Variants in WBP2NL observed in about 807,000 individuals in gnomAD.
WBP2NL encodes postacrosomal sheath WW domain-binding protein.
A neutral mutation model predicts 23.3 loss-of-function variants in WBP2NL; 27 were observed. The observed-to-expected ratio is 1.16, with a 90% CI of 0.85 to 1.60. The LOEUF is 1.60. Among genes scored for constraint, WBP2NL ranks in the 40% most tolerant of loss-of-function variants. The probability of loss-of-function intolerance (pLI) is 0.00; values close to 1 mark genes in which losing one functional copy is unlikely to be tolerated. For synonymous variants in WBP2NL, 151 were observed against 145.9 expected, an observed-to-expected ratio of 1.03 and a Z score of -0.25; for missense variants, 370 against 389.5, an observed-to-expected ratio of 0.95 and a Z score of 0.42.
rs759517840 is a variant in WBP2NL at position 42,026,990 on chromosome 22, A to ACCCCACCTCTCGGATATGGAG, written c.769_789dup (p.Leu257_Pro263dup). On this transcript the variant is annotated inframe_insertion, in exon 6 of 6. Transcript: ENST00000328823. Reference sequence around the variant, plus strand: ...TGGAGCCCCACCTCTTGGATATGGAACCCCACCTCTCGGATATGGAGCCCC... The same window carrying ACCCCACCTCTCGGATATGGAG: ...TGGAGCCCCACCTCTTGGATATGGAACCCCACCTCTCGGATATGGAGCCCCACCTCTCGGATATGGAGCCCC... 42 of 1,564,140 alleles carry ACCCCACCTCTCGGATATGGAG rather than the reference A, an allele frequency of 2.7e-5. No individual in the cohort carries two copies. Among genetic ancestry groups the ACCCCACCTCTCGGATATGGAG allele is most frequent in the Middle Eastern group, 1.7e-4 (1 of 5,892 alleles).
intron 1 of WBP2NL, among the ~76,000 whole-genome samples, chr22:42,000,619 C>T (rs570939957): frequency 2.9e-4 from 44 of 152,194 alleles, no homozygotes; most frequent in Admixed American, 9.8e-4. Context: ...AAATTGACAG[C>T]GAGGAGTCTG....
At chr22:42,047,479 A>G (rs943879412) in intron 8 of WBP2NL, among the ~76,000 whole-genome samples, 9 of 150,944 alleles carry the variant, frequency 6.0e-5, no homozygotes, top group Non-Finnish European at 1.2e-4. Context: ...AATCCCAGCT[A>G]CTCGGGAGGC....
At chr22:42,011,189 A>G (rs1569447478) in intron 1 of WBP2NL, among the ~76,000 whole-genome samples, 1 of 152,228 alleles carries the variant, frequency 6.6e-6, no homozygotes, top group African/African-American at 2.4e-5. Flanking sequence ...ATTTTGGGGA[A>G]GAGTTTCAGA....
intron 1 of WBP2NL, chr22:42,001,808 G>C: frequency 8.0e-7 from 1 of 1,245,238 alleles, no homozygotes; most frequent in East Asian, 2.3e-5. Context: ...AGTCTCTAAT[G>C]CCCTTGTATT....
chr22:42,043,065 A>G (rs1925456879), intron 8 of WBP2NL, among the ~76,000 whole-genome samples: 1 of 148,580 alleles, frequency 6.7e-6, no homozygotes, highest in Non-Finnish European at 1.5e-5. Context: ...CATCTCTTCT[A>G]GGTTTTATAG....
chr22:42,004,567 C>T (rs1718980564), intron 1 of WBP2NL, among the ~76,000 whole-genome samples: 1 of 152,094 alleles, frequency 6.6e-6, no homozygotes, highest in Non-Finnish European at 1.5e-5. Flanking sequence ...GCACTCCAGC[C>T]TCCAGCCTGG....
chr22:42,037,669 A>C (rs550344924), downstream of WBP2NL, among the ~76,000 whole-genome samples: 4 of 152,216 alleles, frequency 2.6e-5, no homozygotes, highest in African/African-American at 9.6e-5. Context: ...AAGTATTTTA[A>C]AATTTTTGTT....
intron 1 of WBP2NL, among the ~76,000 whole-genome samples, chr22:41,999,275 C>T (rs1387337287): frequency 2.0e-5 from 3 of 152,218 alleles, no homozygotes; most frequent in Non-Finnish European, 2.9e-5. Context: ...GTGCCTGCGA[C>T]TTTGTTGGAT....
intron 3 of WBP2NL, 65 bp from the exon 4 acceptor site, chr22:42,019,939 G>A (rs1261085194): frequency 6.3e-7 from 1 of 1,594,616 alleles, no homozygotes; most frequent in Non-Finnish European, 8.6e-7. Flanking sequence ...CTTGGTGTTT[G>A]TGGCAGTCTT....
intron 1 of WBP2NL, among the ~76,000 whole-genome samples, 161 bp from the exon 2 acceptor site, chr22:42,019,150 G>A (rs973220236): frequency 6.6e-6 from 1 of 152,024 alleles, no homozygotes; most frequent in African/African-American, 2.4e-5. Context: ...GAACCCGGGA[G>A]GCGGAGCTTG....
intron 1 of WBP2NL, among the ~76,000 whole-genome samples, chr22:42,014,167 C>T (rs894345504): frequency 6.6e-6 from 1 of 151,818 alleles, no homozygotes; most frequent in Non-Finnish European, 1.5e-5. Context: ...GCAGTCCTCC[C>T]GCCTCAGCCT....
intron 1 of WBP2NL, among the ~76,000 whole-genome samples, chr22:42,014,550 C>T (rs1923133823): frequency 6.6e-6 from 1 of 151,988 alleles, no homozygotes. Flanking sequence ...ATTCCCCTTT[C>T]TCTCTCTCCT....
chr22:42,034,685 A>G (rs559035293), downstream of WBP2NL, among the ~76,000 whole-genome samples: 110 of 152,282 alleles, frequency 7.2e-4, no homozygotes, highest in Admixed American at 1.2e-3. Context: ...CACCTCTGCA[A>G]TCTCGACCAT....
intron 1 of WBP2NL, chr22:42,002,697 T>C (rs1355169468): frequency 1.3e-5 from 2 of 152,220 alleles, no homozygotes; most frequent in African/African-American, 4.8e-5. Context: ...TTAAAGCGCA[T>C]GTGGGAGAGC....
chr22:42,048,766 AAAAG>A (rs1321472755), intron 8 of WBP2NL, among the ~76,000 whole-genome samples: 6 of 121,614 alleles, frequency 4.9e-5, no homozygotes, highest in East Asian at 1.3e-3. Context: ...AAAAAAAAAA[AAAAG>A]AAAAGAAAAA....
Position 42,020,886 on chromosome 22 carries a change from ATATATATATATATATATATATATTTTTT to A in WBP2NL, c.406+792_406+819del, listed in dbSNP as rs1569449997. 1.3e-4 allele frequency among the ~76,000 whole-genome samples: 6 copies of A among 46,188 alleles called. No homozygotes were observed. In the East Asian group the frequency reaches 2.6e-3, roughly 20 times the overall value. The allele number at this position is 46,188 out of a possible 152,430, so 30.3% of individuals were successfully genotyped here. A position where few individuals can be genotyped will look rare whatever the true frequency, so the allele number is the denominator to read the frequency against. On this transcript the variant is annotated intron_variant, in intron 4 of 5. Transcript: ENST00000328823. ...TGTGTGTGTATATATATATATATAT[ATATATATATATATATATATATATTTTTT>A]TTTTTTTTTTTTTTTTTTTTTTTGA...
intron 1 of WBP2NL, chr22:42,002,073 T>A: frequency 4.5e-6 from 2 of 444,048 alleles, no homozygotes. Flanking sequence ...GGGTGTCTTC[T>A]CACTCGGGCT....
At chr22:42,020,691 G>T (rs133337) in intron 4 of WBP2NL, among the ~76,000 whole-genome samples, 122,744 of 150,344 alleles carry the variant, frequency 0.82, 50,702 homozygotes, top group African/African-American at 0.94. Context: ...TGGCTTTTTA[G>T]TTTTTCTTCT....
chr22:42,025,546 G>A (rs1300114343), intron 5 of WBP2NL, among the ~76,000 whole-genome samples: 1 of 152,168 alleles, frequency 6.6e-6, no homozygotes, highest in Non-Finnish European at 1.5e-5. Flanking sequence ...CAGATATCCA[G>A]TTGTCCCAGA....
Sources: gnomAD v4.1 joint callset for allele counts (sites outside exome capture counted in the v4.1 genomes callset) on GRCh38, gnomAD v4.1.1 for gene constraint, MANE v1.5 for transcripts, NCBI Gene and HGNC (gene_info 2026-07-23, HGNC 2026-07-21) for gene names.